ADGRL2: variants seen among roughly 807,000 people sequenced by gnomAD.
ADGRL2 encodes the protein adhesion G protein-coupled receptor L2.
A neutral mutation model predicts 157.4 loss-of-function variants in ADGRL2; 44 were observed. That is an observed-to-expected ratio of 0.28 (90% CI 0.22 to 0.36). ADGRL2 has a LOEUF of 0.36. Among genes scored for constraint, ADGRL2 ranks in the 10% least tolerant of loss-of-function variants. The pLI, the probability that ADGRL2 is intolerant of heterozygous loss-of-function variation, is 1.00. For missense variants in ADGRL2, 1,510 were observed against 1,768.9 expected, an observed-to-expected ratio of 0.85 and a Z score of 2.63; for synonymous variants, 585 against 624.7, an observed-to-expected ratio of 0.94 and a Z score of 0.95.
chr1:81,754,983 T>C (rs1352115200), intron 1 of ADGRL2, among the ~76,000 whole-genome samples: 2 of 151,706 alleles, frequency 1.3e-5, no homozygotes, highest in African/African-American at 2.4e-5. Context: ...AAGGTGAAAA[T>C]ATCAAGCAAA....
At chr1:81,747,271 A>ATATATG (rs2085326844) in intron 1 of ADGRL2, among the ~76,000 whole-genome samples, 1 of 148,838 alleles carries the variant, frequency 6.7e-6, no homozygotes, top group African/African-American at 2.5e-5. Flanking sequence ...GTATATGTGT[A>ATATATG]TATATACATG....
chr1:81,346,174 C>G (rs1471719245), intron 1 of ADGRL2, among the ~76,000 whole-genome samples: 1 of 152,028 alleles, frequency 6.6e-6, no homozygotes, highest in Admixed American at 6.6e-5. Context: ...GAGGTGGAGA[C>G]ACTCACATGA....
intron 3 of ADGRL2, chr1:81,588,246 G>A (rs933440951): frequency 6.6e-6 from 1 of 152,168 alleles, no homozygotes; most frequent in Non-Finnish European, 1.5e-5. Context: ...TCGGCTGAGG[G>A]CTAATCTTTG....
intron 3 of ADGRL2, among the ~76,000 whole-genome samples, chr1:81,929,060 A>C (rs558638215): frequency 6.6e-6 from 1 of 152,222 alleles, no homozygotes; most frequent in Non-Finnish European, 1.5e-5. Context: ...ATAATTTCAA[A>C]TTTAAGCAAA....
intron 2 of ADGRL2, among the ~76,000 whole-genome samples, chr1:81,538,983 G>A (rs1297031769): frequency 5.4e-5 from 8 of 148,120 alleles, no homozygotes; most frequent in Non-Finnish European, 1.0e-4. Flanking sequence ...GCTCCAGCCT[G>A]GGTGATAGAG....
chr1:81,556,360 C>A (rs1337394955), intron 2 of ADGRL2, among the ~76,000 whole-genome samples: 1 of 135,090 alleles, frequency 7.4e-6, no homozygotes, highest in Non-Finnish European at 1.5e-5. Flanking sequence ...ACTCTGTCAC[C>A]CAGGCTGAAG....
intron 2 of ADGRL2, among the ~76,000 whole-genome samples, chr1:81,545,690 A>T (rs1265157968): frequency 6.6e-6 from 1 of 152,194 alleles, no homozygotes; most frequent in African/African-American, 2.4e-5. Context: ...TCCCCATTAT[A>T]TAGAACAGGA....
At position 81,723,116 on chromosome 1, in the gene ADGRL2, A is replaced by G. The variant is rs1256437594; in HGVS notation, c.-143+23308A>G. On this transcript the variant is annotated intron_variant, in intron 1 of 20. Coordinates refer to the ADGRL2 transcript ENST00000359929. ...GCCCTTGCTGAAGGAAAAGCAACCT[A>G]GATTACCTTATGGATGTCGCAATAA... 9 of 674,176 alleles carry G rather than the reference A, an allele frequency of 1.3e-5. No individual in the cohort carries two copies. The East Asian group carries it at 1.8e-4, about 14-fold the overall frequency. The allele number at this position is 674,176 out of a possible 1,614,324, so 41.8% of individuals were successfully genotyped here.
chr1:81,419,517 C>G (rs1396638119), intron 1 of ADGRL2, among the ~76,000 whole-genome samples: 1 of 152,174 alleles, frequency 6.6e-6, no homozygotes, highest in East Asian at 1.9e-4. Context: ...CATTCTTTAT[C>G]TTTTTAAATG....
chr1:81,430,708 T>C (rs1042600692), intron 1 of ADGRL2, among the ~76,000 whole-genome samples: 4 of 152,216 alleles, frequency 2.6e-5, no homozygotes, highest in South Asian at 2.1e-4. Flanking sequence ...TAGCCTAACT[T>C]GGCAATATAA....
At chr1:81,963,285 T>C (rs1378423524) in intron 11 of ADGRL2, among the ~76,000 whole-genome samples, 4 of 152,070 alleles carry the variant, frequency 2.6e-5, no homozygotes, top group Non-Finnish European at 5.9e-5. Context: ...TTCTTAGTAT[T>C]TCTGATAGTT....
At chr1:81,464,922 G>A (rs2078021140) in intron 2 of ADGRL2, among the ~76,000 whole-genome samples, 1 of 119,086 alleles carries the variant, frequency 8.4e-6, no homozygotes, top group South Asian at 3.0e-4. Context: ...ATGACAAATA[G>A]CCACCAGGGA....
intron 2 of ADGRL2, among the ~76,000 whole-genome samples, chr1:81,455,347 G>C (rs915269725): frequency 2.0e-5 from 3 of 152,144 alleles, no homozygotes; most frequent in Non-Finnish European, 2.9e-5. Context: ...AAGGATGTAG[G>C]CTTTGGAACT....
intron 1 of ADGRL2, among the ~76,000 whole-genome samples, chr1:81,807,658 A>G (rs1026641833): frequency 1.3e-5 from 2 of 151,994 alleles, no homozygotes; most frequent in African/African-American, 2.4e-5. Context: ...CTAAAGGAGT[A>G]ACAAGGGTCT....
intron 1 of ADGRL2, among the ~76,000 whole-genome samples, chr1:81,435,338 T>C (rs1017865776): frequency 1.3e-5 from 2 of 152,116 alleles, no homozygotes; most frequent in Non-Finnish European, 1.5e-5. Context: ...TCAGAGGAAA[T>C]AAACATCATG....
chr1:81,455,064 C>T (rs1414348600), intron 2 of ADGRL2, among the ~76,000 whole-genome samples: 3 of 152,214 alleles, frequency 2.0e-5, no homozygotes, highest in Admixed American at 2.0e-4. Flanking sequence ...TCAGAGCATA[C>T]AGACATGGTT....
chr1:81,890,929 C>T (rs1421595828), intron 2 of ADGRL2, among the ~76,000 whole-genome samples: 3 of 152,098 alleles, frequency 2.0e-5, no homozygotes, highest in Admixed American at 6.5e-5. Context: ...TTTTGTTCAT[C>T]TACTCACCTT....
intron 3 of ADGRL2, among the ~76,000 whole-genome samples, chr1:81,664,531 C>T (rs748623338): frequency 3.3e-5 from 5 of 152,054 alleles, no homozygotes; most frequent in Admixed American, 6.6e-5. Context: ...GGTACTAAAC[C>T]TTTTTGTGAA....
intron 2 of ADGRL2, among the ~76,000 whole-genome samples, chr1:81,521,085 C>T (rs143143502): frequency 2.4e-3 from 367 of 152,274 alleles, no homozygotes; most frequent in African/African-American, 8.1e-3. Context: ...AGCAAGGAAA[C>T]GTCATCTTTA....
Sources: gnomAD v4.1 joint callset for allele counts (sites outside exome capture counted in the v4.1 genomes callset) on GRCh38, gnomAD v4.1.1 for gene constraint, MANE v1.5 for transcripts, NCBI Gene and HGNC (gene_info 2026-07-23, HGNC 2026-07-21) for gene names.